PHKB: variants seen among roughly 807,000 people sequenced by gnomAD.
The protein encoded by PHKB is phosphorylase b kinase regulatory subunit beta.
A neutral mutation model predicts 152.1 loss-of-function variants in PHKB; 122 were observed. The ratio of observed to expected loss-of-function variants is 0.80; its 90% CI spans 0.69 to 0.93. PHKB has a LOEUF of 0.93. Among genes scored for constraint, PHKB ranks in the 40% least tolerant of loss-of-function variants. PHKB has a pLI of 0.00. For synonymous variants in PHKB, 436 were observed against 464.9 expected, an observed-to-expected ratio of 0.94 and a Z score of 0.80; for missense variants, 1,304 against 1,328.4, an observed-to-expected ratio of 0.98 and a Z score of 0.29.
chr16:47,484,878 T>C (rs1237340927), intron 1 of PHKB, among the ~76,000 whole-genome samples: 1 of 152,206 alleles, frequency 6.6e-6, no homozygotes, highest in Non-Finnish European at 1.5e-5. Context: ...TCATATAGCA[T>C]TTTTACAATC....
chr16:47,622,982 T>G (rs566541529), intron 14 of PHKB, among the ~76,000 whole-genome samples: 66 of 152,330 alleles, frequency 4.3e-4, no homozygotes, highest in Admixed American at 8.5e-4. Context: ...GTAATAAATT[T>G]TTGTTTTTAA....
intron 7 of PHKB, among the ~76,000 whole-genome samples, chr16:47,576,031 G>A (rs1567312630): frequency 6.6e-6 from 1 of 152,132 alleles, no homozygotes; most frequent in Admixed American, 6.5e-5. Flanking sequence ...AGCCGAGATC[G>A]CGCCATTGCA....
intron 14 of PHKB, among the ~76,000 whole-genome samples, chr16:47,624,173 C>T (rs1463685528): frequency 6.6e-6 from 1 of 151,986 alleles, no homozygotes; most frequent in Non-Finnish European, 1.5e-5. Context: ...ATTGTTTCCC[C>T]AACCTTATTT....
rs1222292841 is a variant in PHKB at position 47,461,417 on chromosome 16, A to G, written c.67A>G (p.Lys23Glu). ...WKVLERRART[K>E]RSGSVYEPLK... is the part of the protein sequence containing the mutation. ...GGTCTTGGAGCGAAGAGCTCGGACC[A>G]AGCGCTCAGGTTTGGCTGGCTGGGG... is the stretch of plus-strand genomic sequence containing the variant. The change falls in exon 1 of 31, where the codon AAG becomes GAG. Residue 23 changes from lysine (K) to glutamate (E), a missense_variant. Physicochemically the swap from Lys to Glu is moderately conservative, Grantham distance 56. Transcript: ENST00000323584. 6.2e-7 allele frequency: 1 copy of G among 1,613,280 alleles called. No individual in the cohort carries two copies. Among genetic ancestry groups the G allele is most frequent in the Non-Finnish European group, 8.5e-7 (1 of 1,179,796 alleles).
chr16:47,615,071 T>C (rs955441304), intron 14 of PHKB, among the ~76,000 whole-genome samples: 2 of 152,202 alleles, frequency 1.3e-5, no homozygotes, highest in African/African-American at 4.8e-5. Flanking sequence ...GCTTCCGTAG[T>C]TTCAAATGAG....
At chr16:47,509,148 A>AT (rs754486909) in intron 4 of PHKB, among the ~76,000 whole-genome samples, 1 of 152,146 alleles carries the variant, frequency 6.6e-6, no homozygotes, top group East Asian at 1.9e-4. Flanking sequence ...AATTTTACCT[A>AT]TTTTTTATAT....
At chr16:47,619,691 C>T (rs934126580) in intron 14 of PHKB, among the ~76,000 whole-genome samples, 1 of 152,200 alleles carries the variant, frequency 6.6e-6, no homozygotes, top group Non-Finnish European at 1.5e-5. Flanking sequence ...ATGATACCTT[C>T]GTTGTTCATA....
chr16:47,570,277 A>T (rs984046388), intron 7 of PHKB, among the ~76,000 whole-genome samples: 1 of 152,162 alleles, frequency 6.6e-6, no homozygotes, highest in Non-Finnish European at 1.5e-5. Context: ...CCTTTTTTCA[A>T]TGAATCTCCC....
chr16:47,670,576 G>A (rs890401576), intron 26 of PHKB, among the ~76,000 whole-genome samples: 2 of 151,942 alleles, frequency 1.3e-5, no homozygotes, highest in South Asian at 2.1e-4. Context: ...TGCAACTGCC[G>A]CCTCCCAGGT....
At chr16:47,674,230 G>T (rs1299153918) in intron 26 of PHKB, among the ~76,000 whole-genome samples, 1 of 151,776 alleles carries the variant, frequency 6.6e-6, no homozygotes, top group Admixed American at 6.6e-5. Flanking sequence ...TACAGTGTAA[G>T]GAACTTGAGT....
chr16:47,540,046 G>C (rs1008008781), intron 6 of PHKB, among the ~76,000 whole-genome samples: 4 of 152,284 alleles, frequency 2.6e-5, no homozygotes, highest in African/African-American at 9.6e-5. Flanking sequence ...ATAAACGGAC[G>C]TGCAAGTAGG....
chr16:47,620,330 G>A (rs1328419191), intron 14 of PHKB, among the ~76,000 whole-genome samples: 1 of 152,202 alleles, frequency 6.6e-6, no homozygotes, highest in African/African-American at 2.4e-5. Context: ...TAAGAACACA[G>A]GAGGCACACT....
intron 26 of PHKB, among the ~76,000 whole-genome samples, chr16:47,683,582 C>T (rs2142096046): frequency 6.6e-6 from 1 of 152,350 alleles, no homozygotes; most frequent in African/African-American, 2.4e-5. Context: ...GATATAATCT[C>T]CTGGTGTGCC....
chr16:47,645,256 G>A (rs1973094873), intron 16 of PHKB, among the ~76,000 whole-genome samples: 1 of 142,600 alleles, frequency 7.0e-6, no homozygotes, highest in Non-Finnish European at 1.5e-5. Context: ...TGTTGCCATT[G>A]CTTTTGGTGT....
intron 6 of PHKB, among the ~76,000 whole-genome samples, chr16:47,547,027 A>G (rs1385669120): frequency 1.3e-5 from 2 of 152,156 alleles, no homozygotes; most frequent in Admixed American, 6.5e-5. Flanking sequence ...TCCCTTGGCT[A>G]GGAAAGGGAA....
At chr16:47,698,641 T>C (rs1974196358) in intron 30 of PHKB, 53 bp downstream of exon 30, 1 of 1,360,864 alleles carries the variant, frequency 7.3e-7, no homozygotes, top group South Asian at 1.3e-5. Flanking sequence ...TTTCATTGTC[T>C]CAATTCTTTA....
At chr16:47,530,443 C>T (rs1401250206) in intron 6 of PHKB, among the ~76,000 whole-genome samples, 3 of 152,148 alleles carry the variant, frequency 2.0e-5, no homozygotes, top group Non-Finnish European at 4.4e-5. Context: ...AAAGCCACTG[C>T]GCCTGGCCAC....
Position 47,522,540 on chromosome 16 carries a change from A to AT in PHKB, c.594+6949dup, listed in dbSNP as rs796125873. On this transcript the variant is annotated intron_variant, in intron 6 of 30. Transcript: ENST00000323584. ...TATTTTTCTCTTCTCCATTTTATTT[A>AT]TTTTTTTTTTAGTCTTTATTATTTT... 5.3e-3 allele frequency among the ~76,000 whole-genome samples: 745 copies of AT among 141,056 alleles called. 7 individuals carry two copies. The highest frequency in any genetic ancestry group is 0.016 in the African/African-American group (634 of 38,536). The allele number at this position is 141,056 out of a possible 152,430, so 92.5% of individuals were successfully genotyped here.
At chr16:47,644,630 A>G (rs1973083961) in intron 16 of PHKB, among the ~76,000 whole-genome samples, 2 of 152,200 alleles carry the variant, frequency 1.3e-5, no homozygotes, top group Non-Finnish European at 2.9e-5. Flanking sequence ...TATAGGTTAG[A>G]TGTATTTCTG....
Sources: gnomAD v4.1 joint callset for allele counts (sites outside exome capture counted in the v4.1 genomes callset) on GRCh38, gnomAD v4.1.1 for gene constraint, MANE v1.5 for transcripts, NCBI Gene and HGNC (gene_info 2026-07-23, HGNC 2026-07-21) for gene names.